Variants in RGS6 observed in about 807,000 individuals in gnomAD.
RGS6 encodes the protein regulator of G protein signaling 6.
In RGS6, 30 loss-of-function variants were observed where a neutral mutation model predicts 78.5. The ratio of observed to expected loss-of-function variants is 0.38; its 90% CI spans 0.29 to 0.52. The LOEUF is 0.52. RGS6 is among the 20% of genes least tolerant of loss of function. The probability of loss-of-function intolerance (pLI) is 0.85; values close to 1 mark genes in which losing one functional copy is unlikely to be tolerated. For missense variants in RGS6, 495 were observed against 609.7 expected (o/e 0.81, Z 1.98); for synonymous variants, 206 against 206.0 (o/e 1.00, Z 0.00).
chr14:72,397,200 C>T (rs1304226222), intron 3 of RGS6, among the ~76,000 whole-genome samples: 1 of 152,156 alleles, frequency 6.6e-6, no homozygotes, highest in Admixed American at 6.5e-5. Context: ...GAATGTTCTT[C>T]CATTTGTATC....
chr14:72,036,199 CATA>C (rs1437444585), intron 2 of RGS6, among the ~76,000 whole-genome samples: 5 of 76,570 alleles, frequency 6.5e-5, no homozygotes, highest in African/African-American at 2.3e-4. Context: ...TGCATGTAAA[CATA>C]TTATTATTAT....
chr14:72,208,792 C>T (rs1234994739), intron 2 of RGS6, among the ~76,000 whole-genome samples: 3 of 152,144 alleles, frequency 2.0e-5, no homozygotes, highest in Non-Finnish European at 2.9e-5. Context: ...GAATGCCTGT[C>T]AGTAACTAGG....
rs188824007 is a variant in RGS6, at chr14:72,332,429, C to T, written c.85-19666C>T. Among the ~76,000 whole-genome samples the T allele has an allele frequency of 6.6e-5, 10 of 152,324 alleles. No homozygotes were observed. In the East Asian group the frequency reaches 1.9e-3, roughly 29 times the overall value. ...GAACCAATGAGAGAAAAAGGGAAAGCAGTGAGATGGATGGAGATCAAAACA... is the reference window on the plus strand; with the variant it reads ...GAACCAATGAGAGAAAAAGGGAAAGTAGTGAGATGGATGGAGATCAAAACA... On this transcript the variant is annotated intron_variant, in intron 2 of 17. Coordinates refer to ENST00000553525, the MANE Select transcript of RGS6 (RefSeq NM_001204424.2).
the RGS6 span, among the ~76,000 whole-genome samples, chr14:72,601,287 G>A: frequency 1.5e-4 from 23 of 152,120 alleles, no homozygotes; most frequent in Non-Finnish European, 1.8e-4. Context: ...GGATCTAAGC[G>A]ACAGAGCCTG....
intron 2 of RGS6, among the ~76,000 whole-genome samples, chr14:72,184,150 G>C (rs970326908): frequency 6.6e-6 from 1 of 152,038 alleles, no homozygotes; most frequent in Non-Finnish European, 1.5e-5. Context: ...CTTTTTCCCA[G>C]ATGTTATTTC....
chr14:72,265,032 A>C (rs1247872976), intron 2 of RGS6, among the ~76,000 whole-genome samples: 1 of 152,198 alleles, frequency 6.6e-6, no homozygotes, highest in Non-Finnish European at 1.5e-5. Flanking sequence ...CCAAATGATC[A>C]CATATGAGCT....
chr14:72,540,989 T>C, intron 17 of RGS6: 2 of 1,275,592 alleles, frequency 1.6e-6, no homozygotes, highest in Non-Finnish European at 2.0e-6. Context: ...GCCAATCTCC[T>C]CTTTCCATGC....
At chr14:71,929,723 A>G (rs1196753838), upstream of RGS6, among the ~76,000 whole-genome samples, 2 of 152,242 alleles carry the variant, frequency 1.3e-5, no homozygotes, top group East Asian at 1.9e-4. Context: ...GTGGTTGCCA[A>G]ATGGTGGTTT....
intron 2 of RGS6, among the ~76,000 whole-genome samples, chr14:72,273,814 C>T (rs1010350453): frequency 1.6e-4 from 24 of 152,112 alleles, no homozygotes; most frequent in Non-Finnish European, 1.0e-4. Flanking sequence ...GAGCTGCATC[C>T]GTTTGCAAAA....
At chr14:72,473,955 A>G (rs1209494735) in intron 9 of RGS6, 1 of 152,278 alleles carries the variant, frequency 6.6e-6, no homozygotes, top group Admixed American at 6.5e-5. Flanking sequence ...AAAATCACCA[A>G]CAAAAAGTAC....
At position 72,276,869 on chromosome 14, in the gene RGS6, A is replaced by G. The variant is rs60319759; in HGVS notation, c.85-75226A>G. Among the ~76,000 whole-genome samples the G allele has an allele frequency of 4.2e-3, 576 of 136,334 alleles. 3 individuals carry two copies. Among genetic ancestry groups the G allele is most frequent in the African/African-American group, 0.017 (524 of 30,194 alleles). 89.4% of individuals were successfully genotyped at this position (136,334 alleles called of 152,430 possible). A position where few individuals can be genotyped will look rare whatever the true frequency, so the allele number is the denominator to read the frequency against. Reference sequence around the variant, plus strand: ...ATGAGAAGAGACTAATACAATATTGAAAAAAAAAAAGTTGAGAAACACTGA... The same window carrying G: ...ATGAGAAGAGACTAATACAATATTGGAAAAAAAAAAGTTGAGAAACACTGA... On this transcript the variant is annotated intron_variant, in intron 2 of 17. Transcript: ENST00000553525.
intron 3 of RGS6, among the ~76,000 whole-genome samples, chr14:72,366,058 G>T (rs2082384567): frequency 6.6e-6 from 1 of 152,106 alleles, no homozygotes; most frequent in Non-Finnish European, 1.5e-5. Context: ...TCATGACTGG[G>T]AACTATAATT....
chr14:72,175,612 A>G (rs2097094584), intron 2 of RGS6, among the ~76,000 whole-genome samples: 1 of 152,220 alleles, frequency 6.6e-6, no homozygotes, highest in Non-Finnish European at 1.5e-5. Context: ...AGGAGATTGT[A>G]AACTATCCTG....
chr14:72,370,164 A>AG (rs56161274), intron 3 of RGS6, among the ~76,000 whole-genome samples: 11 of 151,696 alleles, frequency 7.3e-5, no homozygotes, highest in Admixed American at 7.2e-4. Context: ...AAAAAAAAAA[A>AG]TTCACTTGAT....
intron 2 of RGS6, among the ~76,000 whole-genome samples, chr14:72,020,017 T>G (rs544125101): frequency 6.6e-4 from 101 of 152,318 alleles, no homozygotes; most frequent in Middle Eastern, 6.8e-3. Flanking sequence ...GGTTGAGAAG[T>G]GGCAAAACTT....
chr14:72,507,542 C>T (rs1411951200), intron 13 of RGS6, among the ~76,000 whole-genome samples: 1 of 152,234 alleles, frequency 6.6e-6, no homozygotes, highest in African/African-American at 2.4e-5. Context: ...CAGATACCCC[C>T]ACCTTCTGTC....
chr14:72,489,602 G>A (rs150622253), intron 12 of RGS6, among the ~76,000 whole-genome samples: 21 of 152,230 alleles, frequency 1.4e-4, no homozygotes, highest in South Asian at 8.3e-4. Flanking sequence ...AAAAGAGAGC[G>A]GATGACACAG....
intron 2 of RGS6, among the ~76,000 whole-genome samples, chr14:72,066,137 CGATTTCAGAA>C (rs961080934): frequency 2.0e-5 from 3 of 152,082 alleles, no homozygotes; most frequent in Non-Finnish European, 4.4e-5. Flanking sequence ...AAATATGCCT[CGATTTCAGAA>C]GTAGCAATTG....
At position 72,562,960 on chromosome 14, in the gene RGS6, C is replaced by T. The variant is rs1318447378; in HGVS notation, c.*493C>T. ...ACAGCCACTACATCCCCACCGCCGC[C>T]TGTCATCCCTCACGTCTCTGTGGCC... is the stretch of plus-strand genomic sequence containing the variant. On this transcript the variant is annotated 3_prime_UTR_variant, in exon 18 of 18. Coordinates refer to ENST00000553525, the MANE Select transcript of RGS6 (RefSeq NM_001204424.2). 1 of 615,056 alleles carries T rather than the reference C, an allele frequency of 1.6e-6. No individual in the cohort carries two copies. The highest frequency in any genetic ancestry group is 2.9e-6 in the Non-Finnish European group (1 of 341,700). 38.1% of individuals were successfully genotyped at this position (615,056 alleles called of 1,614,324 possible).
Sources: gnomAD v4.1 joint callset for allele counts (sites outside exome capture counted in the v4.1 genomes callset) on GRCh38, gnomAD v4.1.1 for gene constraint, MANE v1.5 for transcripts, NCBI Gene and HGNC (gene_info 2026-07-23, HGNC 2026-07-21) for gene names.